SLTM: variants seen among roughly 807,000 people sequenced by gnomAD.
SLTM encodes the protein SAFB like transcription modulator, also known as SAFB-like transcription modulator.
A neutral mutation model predicts 134.6 loss-of-function variants in SLTM; 43 were observed. The ratio of observed to expected loss-of-function variants is 0.32; its 90% CI spans 0.25 to 0.41. The LOEUF is 0.41. Ranked by LOEUF, SLTM falls within the 10% of genes least tolerant of loss-of-function variation. The probability of loss-of-function intolerance (pLI) is 1.00; values close to 1 mark genes in which losing one functional copy is unlikely to be tolerated. For synonymous variants in SLTM, 424 were observed against 432.3 expected, an observed-to-expected ratio of 0.98 and a Z score of 0.24; for missense variants, 1,055 against 1,288.8, an observed-to-expected ratio of 0.82 and a Z score of 2.78.
chr15:58,885,652 C>T (rs1424775593), intron 19 of SLTM, among the ~76,000 whole-genome samples: 1 of 152,062 alleles, frequency 6.6e-6, no homozygotes, highest in African/African-American at 2.4e-5. Flanking sequence ...GGCGTGGTGG[C>T]GCACATCTGT....
chr15:58,884,533 G>T (rs1244290376), intron 19 of SLTM, among the ~76,000 whole-genome samples: 3 of 152,086 alleles, frequency 2.0e-5, no homozygotes, highest in African/African-American at 7.2e-5. Context: ...TGGCCAGGAT[G>T]GTCTTGATCT....
intron 20 of SLTM, 38 bp downstream of exon 20, chr15:58,883,588 T>C (rs181264820): frequency 2.0e-5 from 32 of 1,611,444 alleles, no homozygotes; most frequent in Admixed American, 5.0e-5. Flanking sequence ...GATAAAGTGT[T>C]GGTTGTGTGC....
rs752061367 is a variant in SLTM at position 58,912,545 on chromosome 15, G to A, written c.561+18C>T. The A allele has an allele frequency of 5.7e-5, 91 of 1,607,844 alleles. No individual in the cohort carries two copies. The Middle Eastern group carries it at 6.6e-4, about 12-fold the overall frequency. ...TCCACCCACAATATCGAATTCATAG[G>A]ACTAAATGTAAACTTACTTGGGCTG... On this transcript the variant is annotated intron_variant, in intron 5 of 20. Transcript: ENST00000380516.
chr15:58,884,560 G>A (rs1322532876), intron 19 of SLTM, among the ~76,000 whole-genome samples: 5 of 151,916 alleles, frequency 3.3e-5, no homozygotes, highest in Admixed American at 6.6e-5. Context: ...TTCATGATCC[G>A]CCCGCCTAGG....
rs199757806 is a variant in SLTM, at chr15:58,897,382, CAG to C, written c.1109-151_1109-150del. 2.6e-3 allele frequency: 1,468 copies of C among 554,682 alleles called. 12 individuals carry two copies. The highest frequency in any genetic ancestry group is 0.025 in the African/African-American group (1,335 of 53,326). The allele number at this position is 554,682 out of a possible 1,614,324, so 34.4% of individuals were successfully genotyped here. A position where few individuals can be genotyped will look rare whatever the true frequency, so the allele number is the denominator to read the frequency against. On this transcript the variant is annotated intron_variant, in intron 8 of 20. Transcript: ENST00000380516. Reference sequence around the variant, plus strand: ...TGAGTTTACTATTATTGAAATCAAACAGACAACATGACTAGTGAGGGGAAAAA... The same window carrying C: ...TGAGTTTACTATTATTGAAATCAAACACAACATGACTAGTGAGGGGAAAAA...
chr15:58,882,146 CT>C (rs1221644812), intron 20 of SLTM, among the ~76,000 whole-genome samples: 1 of 111,036 alleles, frequency 9.0e-6, no homozygotes, highest in Non-Finnish European at 1.7e-5. Flanking sequence ...GACTGCACCA[CT>C]ACACTCCAGC....
At chr15:58,930,175 G>A (rs1352183954) in intron 2 of SLTM, among the ~76,000 whole-genome samples, 1 of 151,810 alleles carries the variant, frequency 6.6e-6, no homozygotes, top group Non-Finnish European at 1.5e-5. Context: ...AGTGACCTTA[G>A]CTCACTGCAA....
At chr15:58,927,402 G>A (rs539779589) in intron 2 of SLTM, among the ~76,000 whole-genome samples, 48 of 152,076 alleles carry the variant, frequency 3.2e-4, no homozygotes, top group Non-Finnish European at 5.9e-4. Context: ...CCCAAGTAGC[G>A]AGGATTACAG....
At chr15:58,895,150 A>T (rs765405891) in intron 9 of SLTM, among the ~76,000 whole-genome samples, 15 of 152,184 alleles carry the variant, frequency 9.9e-5, no homozygotes, top group Non-Finnish European at 1.3e-4. Flanking sequence ...CTCATCAATG[A>T]AGTAATGGCA....
chr15:58,895,989 C>T (rs2035049539), intron 9 of SLTM, among the ~76,000 whole-genome samples: 1 of 152,156 alleles, frequency 6.6e-6, no homozygotes, highest in African/African-American at 2.4e-5. Context: ...AATAAGGTCC[C>T]TGACCTCAAA....
chr15:58,914,156 A>G (rs142510421), intron 3 of SLTM, among the ~76,000 whole-genome samples: 14 of 152,354 alleles, frequency 9.2e-5, no homozygotes, highest in African/African-American at 3.4e-4. Flanking sequence ...CAAATAACTA[A>G]TTGAAATGTA....
intron 5 of SLTM, among the ~76,000 whole-genome samples, chr15:58,903,077 T>G (rs1194294211): frequency 6.6e-6 from 1 of 151,964 alleles, no homozygotes; most frequent in Non-Finnish European, 1.5e-5. Context: ...AATTTTTGTA[T>G]TTTTAGTAGA....
intron 16 of SLTM, chr15:58,888,793 C>A: frequency 2.8e-6 from 1 of 356,376 alleles, no homozygotes; most frequent in Non-Finnish European, 5.0e-6. Flanking sequence ...CCTGTCTTTT[C>A]CATTAAATGG....
chr15:58,903,330 T>C (rs910495021), intron 5 of SLTM, among the ~76,000 whole-genome samples: 5 of 152,204 alleles, frequency 3.3e-5, no homozygotes, highest in Non-Finnish European at 7.3e-5. Context: ...CCAGCGTGCC[T>C]GGCCTTTAAT....
chr15:58,927,106 T>C (rs1480225045), intron 2 of SLTM, among the ~76,000 whole-genome samples: 3 of 152,172 alleles, frequency 2.0e-5, no homozygotes, highest in African/African-American at 7.2e-5. Flanking sequence ...TATCAATGTG[T>C]AAGGAGAAGC....
At chr15:58,912,841 T>C (rs1479361415) in intron 4 of SLTM, 1 of 460,020 alleles carries the variant, frequency 2.2e-6, no homozygotes, top group Non-Finnish European at 4.0e-6. Flanking sequence ...TTTATTAGGG[T>C]AGGTAGAAGG....
Position 58,913,590 on chromosome 15 carries a change from T to A in SLTM, c.422A>T (p.Glu141Val), listed in dbSNP as rs757003902. 6.2e-6 allele frequency: 10 copies of A among 1,613,398 alleles called. No individual in the cohort carries two copies. In the South Asian group the frequency reaches 8.8e-5, roughly 14 times the overall value. ...CTTGTTTTCTTCTGCAGAGAGTAAC[T>A]CCTTGGAATGCACATTTTCTTCTTC... ...ENEEENVHSK[E>V]LLSAEENKRA... is the part of the protein sequence containing the mutation. The change falls in exon 4 of 21, where the codon GAG (glutamate) becomes GTG (valine). Residue 141 changes from glutamate to valine, a missense_variant. Transcript: ENST00000380516.
At chr15:58,896,985 T>C (rs1042354109) in intron 9 of SLTM, 130 bp downstream of exon 9, 2 of 589,816 alleles carry the variant, frequency 3.4e-6, no homozygotes, top group African/African-American at 3.7e-5. Context: ...CAGAACTCAA[T>C]AATTATGTCT....
intron 3 of SLTM, chr15:58,913,910 TCACACTAAAATG>T (rs1239459787): frequency 2.2e-6 from 1 of 445,392 alleles, no homozygotes; most frequent in African/African-American, 2.0e-5. Context: ...CTCAAATTTC[TCACACTAAAATG>T]CACACTAATC....
Sources: allele counts gnomAD v4.1 joint callset (sites outside exome capture counted in the v4.1 genomes callset), GRCh38; gene constraint gnomAD v4.1.1; transcripts MANE v1.5; gene names NCBI Gene and HGNC (gene_info 2026-07-23, HGNC 2026-07-21).